FUT8: variants seen among roughly 807,000 people sequenced by gnomAD.
FUT8 encodes fucosyltransferase 8.
FUT8 carries 29 observed loss-of-function variants against 71.3 expected under a neutral mutation model. The observed-to-expected ratio is 0.41, with a 90% CI of 0.30 to 0.55. FUT8 has a LOEUF of 0.55. FUT8 is among the 20% of genes least tolerant of loss of function. The pLI is 0.34. For synonymous variants in FUT8, 254 were observed against 239.3 expected, an observed-to-expected ratio of 1.06 and a Z score of -0.57; for missense variants, 544 against 702.1, an observed-to-expected ratio of 0.77 and a Z score of 2.55.
the FUT8 span, among the ~76,000 whole-genome samples, chr14:65,388,486 G>T: frequency 1.3e-5 from 2 of 152,190 alleles, no homozygotes; most frequent in Non-Finnish European, 2.9e-5. Context: ...TATCGGCCGG[G>T]CATGGTGGCT....
chr14:65,423,449 G>T (rs1297972837), intron 1 of FUT8, among the ~76,000 whole-genome samples: 1 of 151,868 alleles, frequency 6.6e-6, no homozygotes, highest in Non-Finnish European at 1.5e-5. Flanking sequence ...TTTTAGTAGA[G>T]ACTGGGGTTT....
chr14:65,676,536 G>C (rs1892724846), intron 7 of FUT8, among the ~76,000 whole-genome samples: 1 of 152,204 alleles, frequency 6.6e-6, no homozygotes, highest in Non-Finnish European at 1.5e-5. Context: ...AGCGGAGCTA[G>C]ATTACAAAGT....
At chr14:65,518,581 A>C (rs958290792) in intron 2 of FUT8, among the ~76,000 whole-genome samples, 1 of 152,102 alleles carries the variant, frequency 6.6e-6, no homozygotes, top group African/African-American at 2.4e-5. Flanking sequence ...GCTAGAGTGT[A>C]GTGGCTTGAT....
chr14:65,736,362 G>C (rs1896218904), intron 10 of FUT8, among the ~76,000 whole-genome samples: 1 of 151,180 alleles, frequency 6.6e-6, no homozygotes, highest in Non-Finnish European at 1.5e-5. Context: ...CTTCATTTCA[G>C]ACTGTATGCG....
chr14:65,719,717 C>T (rs1355107105), intron 7 of FUT8, among the ~76,000 whole-genome samples: 1 of 152,220 alleles, frequency 6.6e-6, no homozygotes, highest in African/African-American at 2.4e-5. Flanking sequence ...TGCAGAGGTA[C>T]TACCTTTGTG....
At position 65,688,872 on chromosome 14, in the gene FUT8, C is replaced by T. The variant is rs138025274; in HGVS notation, c.835+19392C>T. Among the ~76,000 whole-genome samples, 120 of 152,216 alleles carry T rather than the reference C, an allele frequency of 7.9e-4. No individual in the cohort carries two copies. In the East Asian group the frequency reaches 0.015, roughly 19 times the overall value. On this transcript the variant is annotated intron_variant, in intron 7 of 10. Coordinates refer to ENST00000673929, the MANE Select transcript of FUT8 (RefSeq NM_001371533.1). Reference sequence around the variant, plus strand: ...AAACAACATACAGTTTTGGTGAGGGCCTTCTTCCTGGTGTTTACCTTCGCA... The same window carrying T: ...AAACAACATACAGTTTTGGTGAGGGTCTTCTTCCTGGTGTTTACCTTCGCA...
Position 65,467,117 on chromosome 14 carries a change from C to T in FUT8, c.-228+11399C>T, listed in dbSNP as rs868226814. On this transcript the variant is annotated intron_variant, in intron 2 of 10. Coordinates refer to ENST00000673929, the MANE Select transcript of FUT8 (RefSeq NM_001371533.1). The surrounding 1 kb of genome is among the most constrained non-coding windows in gnomAD (Gnocchi z 4.1). ...CATATTTCTGATCTATATAATTTTC[C>T]TTCTTTCTGAATAACTTCTGTTAAC... Among the ~76,000 whole-genome samples, 61 of 152,156 alleles carry T rather than the reference C, an allele frequency of 4.0e-4. No homozygotes were observed. The highest frequency in any genetic ancestry group is 3.7e-3 in the Admixed American group (57 of 15,284).
chr14:65,590,160 A>T (rs758608181), intron 3 of FUT8, among the ~76,000 whole-genome samples: 2 of 151,892 alleles, frequency 1.3e-5, no homozygotes, highest in Non-Finnish European at 2.9e-5. Context: ...ATAAGTTAAC[A>T]TTTTTTTTCT....
intron 3 of FUT8, among the ~76,000 whole-genome samples, chr14:65,563,452 T>G (rs1310346647): frequency 6.6e-6 from 1 of 152,030 alleles, no homozygotes; most frequent in Non-Finnish European, 1.5e-5. Flanking sequence ...GAGCCTACTT[T>G]GAATCCCAGT....
intron 7 of FUT8, among the ~76,000 whole-genome samples, chr14:65,717,918 T>C (rs1416201347): frequency 2.6e-5 from 4 of 152,228 alleles, no homozygotes; most frequent in African/African-American, 7.2e-5. Flanking sequence ...GCATGAAATA[T>C]CTTTTTCCAT....
intron 2 of FUT8, among the ~76,000 whole-genome samples, chr14:65,496,719 A>G (rs563141490): frequency 4.6e-5 from 7 of 152,104 alleles, no homozygotes; most frequent in Admixed American, 2.0e-4. Flanking sequence ...AAATTACCCA[A>G]TTTTGGGCAG....
intron 7 of FUT8, among the ~76,000 whole-genome samples, chr14:65,718,449 A>C (rs945344776): frequency 1.3e-5 from 2 of 152,212 alleles, no homozygotes; most frequent in African/African-American, 4.8e-5. Flanking sequence ...AGTTGTAGTT[A>C]TTTTTGATCG....
At chr14:65,684,816 G>T (rs1566894575) in intron 7 of FUT8, among the ~76,000 whole-genome samples, 1 of 152,036 alleles carries the variant, frequency 6.6e-6, no homozygotes, top group Non-Finnish European at 1.5e-5. Flanking sequence ...GTTTCCTGAG[G>T]CCTCCCCAGC....
intron 2 of FUT8, among the ~76,000 whole-genome samples, chr14:65,537,353 TTATTATTAC>T (rs1445268846): frequency 1.3e-5 from 2 of 151,738 alleles, no homozygotes; most frequent in African/African-American, 4.8e-5. Context: ...GGAGTTTTTA[TTATTATTAC>T]TATTATTACT....
At chr14:65,727,590 T>C (rs562502835) in intron 9 of FUT8, among the ~76,000 whole-genome samples, 93 of 152,212 alleles carry the variant, frequency 6.1e-4, no homozygotes, top group African/African-American at 2.0e-3. Context: ...GTCCACAATA[T>C]CATTTTTTCC....
At chr14:65,454,447 C>T (rs763903400) in intron 1 of FUT8, among the ~76,000 whole-genome samples, 41 of 151,686 alleles carry the variant, frequency 2.7e-4, no homozygotes, top group Non-Finnish European at 5.6e-4. Flanking sequence ...GGCAACATAG[C>T]GAGACCCAGT....
intron 2 of FUT8, among the ~76,000 whole-genome samples, chr14:65,544,620 G>A (rs1884878520): frequency 6.6e-6 from 1 of 152,026 alleles, no homozygotes; most frequent in Non-Finnish European, 1.5e-5. Context: ...AACACAGCCT[G>A]GTGTGTTATT....
At chr14:65,701,125 A>C (rs1355458023) in intron 7 of FUT8, among the ~76,000 whole-genome samples, 1 of 152,200 alleles carries the variant, frequency 6.6e-6, no homozygotes, top group Non-Finnish European at 1.5e-5. Context: ...AACATAAAAT[A>C]TTTGTATTCA....
chr14:65,376,691 C>G, the FUT8 span, among the ~76,000 whole-genome samples: 1 of 152,048 alleles, frequency 6.6e-6, no homozygotes, highest in Non-Finnish European at 1.5e-5. Context: ...GGATTACAGG[C>G]ATGAGCCGCT....
Sources: allele counts gnomAD v4.1 joint callset (sites outside exome capture counted in the v4.1 genomes callset), GRCh38; gene constraint gnomAD v4.1.1; non-coding constraint Gnocchi (gnomAD v3.1); transcripts MANE v1.5; gene names NCBI Gene and HGNC (gene_info 2026-07-23, HGNC 2026-07-21).